Variants in EXOC6B observed in about 807,000 individuals in gnomAD.
EXOC6B encodes the protein exocyst complex component 6B.
In EXOC6B, 54 loss-of-function variants were observed where a neutral mutation model predicts 113.5. The observed-to-expected ratio is 0.48, with a 90% CI of 0.38 to 0.60. The LOEUF (loss-of-function observed/expected upper bound fraction) is 0.60, where lower values mean the gene tolerates loss of function less well. EXOC6B is among the 20% of genes least tolerant of loss of function. The probability of loss-of-function intolerance (pLI) is 0.00; values close to 1 mark genes in which losing one functional copy is unlikely to be tolerated. For missense variants in EXOC6B, 797 were observed against 977.5 expected (o/e 0.82, Z 2.46); for synonymous variants, 357 against 339.0 (o/e 1.05, Z -0.58).
At chr2:72,457,837 C>A (rs1011746844) in intron 18 of EXOC6B, among the ~76,000 whole-genome samples, 4 of 152,048 alleles carry the variant, frequency 2.6e-5, no homozygotes, top group Non-Finnish European at 5.9e-5. Context: ...GCCTAAGTCA[C>A]AAAAACTTCA....
At chr2:72,330,653 T>C (rs762797924) in intron 20 of EXOC6B, among the ~76,000 whole-genome samples, 57 of 152,238 alleles carry the variant, frequency 3.7e-4, no homozygotes, top group Non-Finnish European at 4.1e-4. Flanking sequence ...TTTGCACTTA[T>C]AGGTACAAAC....
chr2:72,475,347 A>G (rs1043023981), intron 17 of EXOC6B, among the ~76,000 whole-genome samples: 1 of 152,148 alleles, frequency 6.6e-6, no homozygotes, highest in African/African-American at 2.4e-5. Flanking sequence ...ACATCCTCTT[A>G]GTCCCAAGTG....
At chr2:72,556,474 C>G (rs968827891) in intron 8 of EXOC6B, among the ~76,000 whole-genome samples, 16 of 152,130 alleles carry the variant, frequency 1.1e-4, no homozygotes, top group African/African-American at 3.9e-4. Flanking sequence ...ACTACGTTGA[C>G]ATGGTTAAAT....
intron 6 of EXOC6B, among the ~76,000 whole-genome samples, chr2:72,620,348 T>C (rs1005668849): frequency 6.6e-6 from 1 of 152,140 alleles, no homozygotes; most frequent in Admixed American, 6.5e-5. Flanking sequence ...CTGGGCTTAA[T>C]ACCTAGGTGA....
At chr2:72,259,197 C>A (rs1475119253) in intron 20 of EXOC6B, among the ~76,000 whole-genome samples, 2 of 152,140 alleles carry the variant, frequency 1.3e-5, no homozygotes, top group South Asian at 4.1e-4. Context: ...GCAATCACTG[C>A]TTTGATTTTT....
intron 20 of EXOC6B, among the ~76,000 whole-genome samples, chr2:72,277,446 A>C (rs1476633601): frequency 6.6e-6 from 1 of 152,082 alleles, no homozygotes; most frequent in Non-Finnish European, 1.5e-5. Flanking sequence ...CACAGCTTCA[A>C]AGCTAGTAAG....
chr2:72,638,796 T>C (rs1211282408), intron 6 of EXOC6B, among the ~76,000 whole-genome samples: 3 of 152,082 alleles, frequency 2.0e-5, no homozygotes, highest in African/African-American at 7.2e-5. Flanking sequence ...TGGCCAAGAA[T>C]AGCCATCCCC....
chr2:72,507,707 T>C (rs1406101905), intron 11 of EXOC6B, among the ~76,000 whole-genome samples: 1 of 152,066 alleles, frequency 6.6e-6, no homozygotes, highest in Non-Finnish European at 1.5e-5. Context: ...AAAAAGAAGG[T>C]ATTTTGTCAT....
At chr2:72,487,464 G>A (rs560694265) in intron 16 of EXOC6B, among the ~76,000 whole-genome samples, 3 of 152,114 alleles carry the variant, frequency 2.0e-5, no homozygotes, top group Non-Finnish European at 4.4e-5. Flanking sequence ...TATTTCAAGC[G>A]ATTCTCCCGG....
intron 18 of EXOC6B, among the ~76,000 whole-genome samples, chr2:72,390,302 T>C (rs1692292730): frequency 6.6e-6 from 1 of 152,206 alleles, no homozygotes; most frequent in Non-Finnish European, 1.5e-5. Flanking sequence ...CTCATTTTAT[T>C]ACCTTTAAAT....
intron 20 of EXOC6B, among the ~76,000 whole-genome samples, chr2:72,313,730 C>A (rs749965592): frequency 2.0e-5 from 3 of 152,102 alleles, no homozygotes; most frequent in Admixed American, 1.3e-4. Context: ...TTATGGGACA[C>A]AACTAACATA....
At chr2:72,676,154 G>A (rs1212264623) in intron 6 of EXOC6B, among the ~76,000 whole-genome samples, 1 of 150,674 alleles carries the variant, frequency 6.6e-6, no homozygotes, top group Non-Finnish European at 1.5e-5. Context: ...AGAAGAAGAA[G>A]AAGGTTTTCA....
intron 8 of EXOC6B, among the ~76,000 whole-genome samples, chr2:72,542,464 T>A (rs947618386): frequency 6.6e-6 from 1 of 152,196 alleles, no homozygotes; most frequent in Admixed American, 6.5e-5. Context: ...GTTTGAGTTA[T>A]AAGAATCTGA....
intron 6 of EXOC6B, among the ~76,000 whole-genome samples, chr2:72,632,827 TTG>T (rs1219686163): frequency 6.6e-6 from 1 of 152,082 alleles, no homozygotes; most frequent in Non-Finnish European, 1.5e-5. Context: ...GACTACAGGT[TTG>T]TGTCACCATT....
intron 18 of EXOC6B, among the ~76,000 whole-genome samples, chr2:72,417,676 T>C (rs1402320393): frequency 6.6e-6 from 1 of 152,192 alleles, no homozygotes; most frequent in Non-Finnish European, 1.5e-5. Flanking sequence ...GACAAATAGA[T>C]TTTGTAACAG....
intron 17 of EXOC6B, among the ~76,000 whole-genome samples, chr2:72,479,075 G>C (rs1199054824): frequency 6.6e-6 from 1 of 152,042 alleles, no homozygotes; most frequent in Non-Finnish European, 1.5e-5. Context: ...TTTTTATTAA[G>C]TCATTCTTTT....
chr2:72,753,491 C>T (rs967569568), intron 1 of EXOC6B, among the ~76,000 whole-genome samples: 3 of 152,114 alleles, frequency 2.0e-5, no homozygotes, highest in Non-Finnish European at 2.9e-5. Flanking sequence ...ACTGCCTTGA[C>T]TCATGTCCTT....
At chr2:72,618,272 G>A (rs2104156244) in intron 6 of EXOC6B, among the ~76,000 whole-genome samples, 1 of 152,204 alleles carries the variant, frequency 6.6e-6, no homozygotes, top group East Asian at 1.9e-4. Flanking sequence ...GGGAGGCTGA[G>A]ACAGGAGAAT....
chr2:72,789,860 G>C (rs377486972), intron 1 of EXOC6B, among the ~76,000 whole-genome samples: 76 of 152,234 alleles, frequency 5.0e-4, no homozygotes, highest in African/African-American at 1.7e-3. Flanking sequence ...GGGTAGCAAA[G>C]GGCAGGGGGG....
Sources: gnomAD v4.1 joint callset for allele counts (sites outside exome capture counted in the v4.1 genomes callset) on GRCh38, gnomAD v4.1.1 for gene constraint, MANE v1.5 for transcripts, NCBI Gene and HGNC (gene_info 2026-07-23, HGNC 2026-07-21) for gene names.